QSER1: variants seen among roughly 807,000 people sequenced by gnomAD.
The protein encoded by QSER1 is glutamine and serine-rich protein 1.
A neutral mutation model predicts 158.5 loss-of-function variants in QSER1; 49 were observed. The observed-to-expected ratio is 0.31, with a 90% CI of 0.25 to 0.39. The LOEUF (loss-of-function observed/expected upper bound fraction) is 0.39. Ranked by LOEUF, QSER1 falls within the 10% of genes least tolerant of loss-of-function variation. The pLI, the probability that QSER1 is intolerant of heterozygous loss-of-function variation, is 1.00. For missense variants in QSER1, 1,754 were observed against 2,010.3 expected (o/e 0.87, Z 2.44); for synonymous variants, 650 against 715.5 (o/e 0.91, Z 1.46).
chr11:32,972,896 T>C (rs1026092231), intron 10 of QSER1, among the ~76,000 whole-genome samples: 5 of 152,162 alleles, frequency 3.3e-5, no homozygotes, highest in Non-Finnish European at 5.9e-5. Context: ...CAGTGCCGCT[T>C]CTCCTCTGTC....
At chr11:32,895,562 A>G (rs1851544034) in intron 1 of QSER1, among the ~76,000 whole-genome samples, 1 of 152,218 alleles carries the variant, frequency 6.6e-6, no homozygotes, top group African/African-American at 2.4e-5. Context: ...CTTTTTCATA[A>G]TGCACATATC....
rs182243685 is a variant in QSER1, at chr11:32,912,502, G to C, written c.210-14655G>C. Among the ~76,000 whole-genome samples, 131 of 152,052 alleles carry C rather than the reference G, an allele frequency of 8.6e-4. 1 individual carries two copies. The Middle Eastern group carries it at 0.01, about 12-fold the overall frequency. On this transcript the variant is annotated intron_variant, in intron 1 of 12. Coordinates refer to ENST00000650167, the MANE Select transcript of QSER1 (RefSeq NM_001076786.3). Reference sequence around the variant, plus strand: ...TGAACTTTTCAAAGTGAACTTATAGGGTCCCATGTCACATGTCAGAACTAC... The same window carrying C: ...TGAACTTTTCAAAGTGAACTTATAGCGTCCCATGTCACATGTCAGAACTAC...
intron 5 of QSER1, among the ~76,000 whole-genome samples, chr11:32,955,073 ATGGGCTACT>A (rs1852488727): frequency 6.6e-6 from 1 of 152,214 alleles, no homozygotes; most frequent in African/African-American, 2.4e-5. Flanking sequence ...CAAATGGGTA[ATGGGCTACT>A]TTGTGTGCTA....
intron 8 of QSER1, among the ~76,000 whole-genome samples, chr11:32,964,293 T>G (rs1852684159): frequency 6.6e-6 from 1 of 152,138 alleles, no homozygotes; most frequent in African/African-American, 2.4e-5. Flanking sequence ...TATTCCTAAG[T>G]GAAACTTTTT....
intron 4 of QSER1, among the ~76,000 whole-genome samples, chr11:32,941,452 G>T (rs1590171388): frequency 7.2e-6 from 1 of 139,446 alleles, no homozygotes; most frequent in East Asian, 2.1e-4. Context: ...TCACTGTTCA[G>T]TTCCCACCTA....
chr11:32,965,273 G>A (rs565323134), intron 8 of QSER1, among the ~76,000 whole-genome samples: 6 of 151,802 alleles, frequency 4.0e-5, no homozygotes, highest in African/African-American at 1.2e-4. Flanking sequence ...CACCACACAC[G>A]TGGCTAATTT....
intron 1 of QSER1, among the ~76,000 whole-genome samples, chr11:32,913,179 CTTTTTTTTT>C (rs61685246): frequency 7.4e-5 from 4 of 54,348 alleles, no homozygotes; most frequent in East Asian, 4.1e-4. Flanking sequence ...TCTCCTCTTC[CTTTTTTTTT>C]TTTTTTTTTT....
At position 32,975,540 on chromosome 11, in the gene QSER1, C is replaced by T. The variant is rs956277149; in HGVS notation, c.5454+197C>T. 19 of 1,433,380 alleles carry T rather than the reference C, an allele frequency of 1.3e-5. No individual in the cohort carries two copies. The African/African-American group carries it at 1.6e-4, about 12-fold the overall frequency. 88.8% of individuals were successfully genotyped at this position (1,433,380 alleles called of 1,614,324 possible). On this transcript the variant is annotated intron_variant, in intron 12 of 12. Coordinates refer to ENST00000650167, the MANE Select transcript of QSER1 (RefSeq NM_001076786.3). Reference sequence around the variant, plus strand: ...GTTTTGTGCTCAGATTTACCCGAGCCTCACCACCTCTTGTAGGAGCTATAA... The same window carrying T: ...GTTTTGTGCTCAGATTTACCCGAGCTTCACCACCTCTTGTAGGAGCTATAA...
chr11:32,946,393 G>A (rs1852332534), intron 4 of QSER1, among the ~76,000 whole-genome samples: 1 of 151,106 alleles, frequency 6.6e-6, no homozygotes, highest in African/African-American at 2.4e-5. Flanking sequence ...CTTTGATGAT[G>A]GTGATGTATA....
At position 32,976,331 on chromosome 11, in the gene QSER1, T is replaced by C. The variant is rs1564951331; in HGVS notation, c.5455-3T>C. 4 of 1,578,288 alleles carry C rather than the reference T, an allele frequency of 2.5e-6. No homozygotes were observed. The highest frequency in any genetic ancestry group is 3.4e-6 in the Non-Finnish European group (4 of 1,169,700). Reference sequence around the variant, plus strand: ...AGCTAATTTGGCGATTTTCTTTTTTTAGATTTCTTCGGTGCAGAAAAAAAA... The same window carrying C: ...AGCTAATTTGGCGATTTTCTTTTTTCAGATTTCTTCGGTGCAGAAAAAAAA... On this transcript the variant is annotated splice_region_variant and splice_polypyrimidine_tract_variant and intron_variant, in intron 12 of 12. Coordinates refer to ENST00000650167, the MANE Select transcript of QSER1 (RefSeq NM_001076786.3).
chr11:32,928,078 G>C lies in QSER1; in HGVS notation c.439G>C (p.Gly147Arg). The C allele has an allele frequency of 1.9e-6, 3 of 1,613,926 alleles. No individual in the cohort carries two copies. The highest frequency in any genetic ancestry group is 1.1e-5 in the South Asian group (1 of 91,078). Residue 147 changes from glycine to arginine, a missense_variant, in exon 3 of 13, where the codon GGA (glycine) becomes CGA (arginine). By Grantham distance (125) the Gly-to-Arg change is moderately radical. Transcript: ENST00000650167. The part of the protein sequence containing the change: ...ESRTAQAAAS[G>R]TTLLPQFRAP... ...CCGAACTGCTCAGGCTGCTGCTTCA[G>C]GAACTACTCTCTTACCACAATTCAG... is the stretch of plus-strand genomic sequence containing the variant.
chr11:32,904,758 G>A (rs1022359789), intron 1 of QSER1, among the ~76,000 whole-genome samples: 1 of 152,002 alleles, frequency 6.6e-6, no homozygotes, highest in Non-Finnish European at 1.5e-5. Context: ...GATAATCTGC[G>A]TGACTTCCTC....
At position 32,973,562 on chromosome 11, in the gene QSER1, G is replaced by A. The variant is rs1348495596; in HGVS notation, c.5358+13G>A. On this transcript the variant is annotated intron_variant, in intron 11 of 12. Transcript: ENST00000650167. ...CAAATCTGCACAAGTAAGTGTAATT[G>A]ATTATTAATGTAACTATACCTTTTC... 1.3e-6 allele frequency: 2 copies of A among 1,585,840 alleles called. No homozygotes were observed.
intron 1 of QSER1, among the ~76,000 whole-genome samples, chr11:32,904,638 T>C (rs1262184558): frequency 6.6e-6 from 1 of 150,488 alleles, no homozygotes; most frequent in Non-Finnish European, 1.5e-5. Context: ...CCATCTTCTC[T>C]TTTACCTTTG....
Position 32,953,962 on chromosome 11 carries a change from C to T in QSER1, c.4283C>T (p.Thr1428Ile). The change falls in exon 5 of 13, where the codon ACT becomes ATT. Residue 1428 changes from threonine (T) to isoleucine (I), a missense_variant. Thr to Ile is a moderately conservative substitution (Grantham distance 89). Transcript: ENST00000650167. Reference sequence around the variant, plus strand: ...GTTAAGCAAGAACCTCTCCACTCTACTTCATATGCAGTAAATATTCTGGAA... The same window carrying T: ...GTTAAGCAAGAACCTCTCCACTCTATTTCATATGCAGTAAATATTCTGGAA... Reference protein sequence around the residue: ...GAVKQEPLHSTSYAVNILENI... With the variant: ...GAVKQEPLHSISYAVNILENI... The T allele has an allele frequency of 6.2e-7, 1 of 1,614,186 alleles. No individual in the cohort carries two copies. The highest frequency in any genetic ancestry group is 8.5e-7 in the Non-Finnish European group (1 of 1,180,020).
At position 32,980,244 on chromosome 11, in the gene QSER1, T is replaced by C. The variant is rs1304697826; in HGVS notation, c.*3770T>C. ...TTGTTACTAACTCAGATCATTAAAA[T>C]GAAAACAATTTTTTTAAACAAGAAA... is the stretch of plus-strand genomic sequence containing the variant. On this transcript the variant is annotated 3_prime_UTR_variant, in exon 13 of 13. Coordinates refer to ENST00000650167, the MANE Select transcript of QSER1 (RefSeq NM_001076786.3). 1 of 152,666 alleles carries C rather than the reference T, an allele frequency of 6.6e-6. No individual in the cohort carries two copies. Among genetic ancestry groups the C allele is most frequent in the Non-Finnish European group, 1.5e-5 (1 of 68,038 alleles). The allele number at this position is 152,666 out of a possible 1,614,324, so 9.5% of individuals were successfully genotyped here.
Position 32,958,051 on chromosome 11 carries a change from C to T in QSER1, c.4934C>T (p.Ser1645Phe), listed in dbSNP as rs367842851. 2.5e-6 allele frequency: 4 copies of T among 1,614,012 alleles called. No homozygotes were observed. In the African/African-American group the frequency reaches 5.3e-5, roughly 22 times the overall value. Residue 1645 changes from serine (S) to phenylalanine (F), a missense_variant, in exon 8 of 13, where the codon TCT becomes TTT. Ser to Phe is a radical substitution (Grantham distance 155). Around this residue, in one of 2 missense-constraint regions of QSER1, gnomAD observed 1,707 missense variants for 1,919.6 expected, o/e 0.89. Coordinates refer to ENST00000650167, the MANE Select transcript of QSER1 (RefSeq NM_001076786.3). Reference sequence around the variant, plus strand: ...TTTTCATCATCCCAATCTGACTCATCTCCTGAGATCCATACTAGTAGTAGT... The same window carrying T: ...TTTTCATCATCCCAATCTGACTCATTTCCTGAGATCCATACTAGTAGTAGT... The part of the protein sequence containing the change: ...EEFSSSQSDS[S>F]PEIHTSSSDD...
intron 4 of QSER1, among the ~76,000 whole-genome samples, chr11:32,951,998 T>C (rs1852430069): frequency 6.6e-6 from 1 of 151,958 alleles, no homozygotes; most frequent in Non-Finnish European, 1.5e-5. Context: ...CCACCATGCC[T>C]GGCTAATTTT....
chr11:32,948,748 A>C (rs913086210), intron 4 of QSER1, among the ~76,000 whole-genome samples: 2 of 152,176 alleles, frequency 1.3e-5, no homozygotes, highest in Non-Finnish European at 2.9e-5. Flanking sequence ...TTTTTAAAAA[A>C]ATTTTGCTTT....
Sources: allele counts gnomAD v4.1 joint callset (sites outside exome capture counted in the v4.1 genomes callset), GRCh38; gene constraint gnomAD v4.1.1; regional missense constraint gnomAD v4.1.1; transcripts MANE v1.5; gene names NCBI Gene and HGNC (gene_info 2026-07-23, HGNC 2026-07-21).